PCDHGB2: variants seen among roughly 807,000 people sequenced by gnomAD.
PCDHGB2 encodes the protein protocadherin gamma subfamily B, 2.
In PCDHGB2, 55 loss-of-function variants were observed where a neutral mutation model predicts 59.3. The ratio of observed to expected loss-of-function variants is 0.93; its 90% CI spans 0.75 to 1.16. PCDHGB2 has a LOEUF of 1.16. PCDHGB2 is among the 50% of genes most tolerant of loss of function. PCDHGB2 has a pLI of 0.00. For missense variants in PCDHGB2, 1,228 were observed against 1,198.5 expected (o/e 1.02, Z -0.36); for synonymous variants, 516 against 512.0 (o/e 1.01, Z -0.11).
chr5:141,415,690 G>C (rs1218128531), intron 1 of PCDHGB2: 4 of 1,512,972 alleles, frequency 2.6e-6, no homozygotes, highest in Non-Finnish European at 3.6e-6. Context: ...CATGATGGTG[G>C]AAAGTGTAAA....
intron 1 of PCDHGB2, among the ~76,000 whole-genome samples, chr5:141,438,828 A>T (rs1364963084): frequency 6.7e-6 from 1 of 149,956 alleles, no homozygotes; most frequent in Non-Finnish European, 1.5e-5. Context: ...TGCCCAGCTA[A>T]TTTTTTAAAA....
At position 141,431,108 on chromosome 5, in the gene PCDHGB2, T is replaced by C; in HGVS notation, c.2422-63699T>C. 1 of 1,614,180 alleles carries C rather than the reference T, an allele frequency of 6.2e-7. No homozygotes were observed. The highest frequency in any genetic ancestry group is 8.5e-7 in the Non-Finnish European group (1 of 1,180,032). On this transcript the variant is annotated intron_variant, in intron 1 of 3. Coordinates refer to ENST00000522605, the MANE Select transcript of PCDHGB2 (RefSeq NM_018923.3). This position sits in a 1 kb window ranked among gnomAD's most constrained non-coding sequence, Gnocchi z 4.8. ...TCTGATGGAGGATAAAGTGAAAATATATGGAGTAGAAGTAGAAGTAAGGGA... is the reference window on the plus strand; with the variant it reads ...TCTGATGGAGGATAAAGTGAAAATACATGGAGTAGAAGTAGAAGTAAGGGA...
chr5:141,394,069 A>G (rs1054107584), intron 1 of PCDHGB2: 1 of 1,613,862 alleles, frequency 6.2e-7, no homozygotes, highest in African/African-American at 1.3e-5. Context: ...TCTATCTACA[A>G]TATCACAGTG....
intron 1 of PCDHGB2, among the ~76,000 whole-genome samples, chr5:141,381,364 G>T (rs1777146369): frequency 6.6e-6 from 1 of 152,216 alleles, no homozygotes; most frequent in Non-Finnish European, 1.5e-5. Context: ...GCAGAGGGTA[G>T]CCTCGGATCC....
rs1194909537 is a variant in PCDHGB2 at position 141,511,022 on chromosome 5, T to C, written c.2645T>C (p.Phe882Ser). 1 of 1,614,176 alleles carries C rather than the reference T, an allele frequency of 6.2e-7. No individual in the cohort carries two copies. The highest frequency in any genetic ancestry group is 8.5e-7 in the Non-Finnish European group (1 of 1,180,020). ...MGLSARYGPQ[F>S]TLQHVPDYRQ... ...TTGAGCGCCCGCTACGGACCCCAGT[T>C]CACCCTGCAGCACGTGCCCGACTAC... The change falls in exon 4 of 4, where the codon TTC becomes TCC. Residue 882 changes from phenylalanine (F) to serine (S), a missense_variant. Transcript: ENST00000522605.
chr5:141,421,420 G>C, intron 1 of PCDHGB2: 1 of 1,614,084 alleles, frequency 6.2e-7, no homozygotes, highest in Non-Finnish European at 8.5e-7. Context: ...GAAGCGCGGA[G>C]TCCGCATCGT....
intron 1 of PCDHGB2, among the ~76,000 whole-genome samples, chr5:141,457,968 G>A (rs919621979): frequency 6.6e-6 from 1 of 152,120 alleles, no homozygotes; most frequent in African/African-American, 2.4e-5. Context: ...TTCCTTAAAG[G>A]GAAACACACC....
At position 141,361,173 on chromosome 5, in the gene PCDHGB2, A is replaced by G; in HGVS notation, c.1038A>G (p.Glu346=). 2 of 1,613,958 alleles carry G rather than the reference A, an allele frequency of 1.2e-6. No individual in the cohort carries two copies. The change falls in exon 1 of 4, where the codon GAA becomes GAG. Residue 346 remains glutamate (E), a synonymous_variant. Transcript: ENST00000522605. The stretch of plus-strand genomic sequence containing the variant: ...TTGATGACAACGATTGTGCACCTGA[A>G]GTTATTGTGACTTCAGTATCTACTC... ...EILDDNDCAP[E]VIVTSVSTPL...
chr5:141,409,033 A>T, intron 1 of PCDHGB2: 1 of 1,614,028 alleles, frequency 6.2e-7, no homozygotes, highest in Non-Finnish European at 8.5e-7. Context: ...ATGCTGAGAT[A>T]AACTACTACT....
chr5:141,434,194 G>A (rs913533813), intron 1 of PCDHGB2, among the ~76,000 whole-genome samples: 7 of 152,190 alleles, frequency 4.6e-5, no homozygotes, highest in African/African-American at 4.8e-5. Flanking sequence ...TAATTCCAAT[G>A]TACTTACTTC....
chr5:141,390,061 A>G, intron 1 of PCDHGB2: 1 of 1,614,016 alleles, frequency 6.2e-7, no homozygotes, highest in East Asian at 2.2e-5. Context: ...AGCTGCTTCC[A>G]GCCTGGTCTC....
intron 1 of PCDHGB2, chr5:141,375,207 ACT>A: frequency 3.7e-6 from 6 of 1,613,896 alleles, no homozygotes; most frequent in Non-Finnish European, 5.1e-6. Flanking sequence ...TTCGATCGAG[ACT>A]CTGGCCTGAA....
At position 141,371,314 on chromosome 5, in the gene PCDHGB2, T is replaced by G. The variant is rs763858209; in HGVS notation, c.2421+8758T>G. The G allele has an allele frequency of 6.8e-6, 11 of 1,613,964 alleles. No individual in the cohort carries two copies. The East Asian group carries it at 2.2e-4, about 33-fold the overall frequency. The stretch of plus-strand genomic sequence containing the variant: ...GGGGAACTCACCACTATTGGAGAAC[T>G]GGACTTTGAAGAGAGAGATAGCTAC... On this transcript the variant is annotated intron_variant, in intron 1 of 3. Transcript: ENST00000522605.
At chr5:141,455,270 A>T (rs2098818132) in intron 1 of PCDHGB2, among the ~76,000 whole-genome samples, 1 of 151,958 alleles carries the variant, frequency 6.6e-6, no homozygotes, top group South Asian at 2.1e-4. Context: ...CTTCCCATTG[A>T]TTATTAACAT....
chr5:141,464,853 C>A (rs1441161135), intron 1 of PCDHGB2, among the ~76,000 whole-genome samples: 1 of 151,778 alleles, frequency 6.6e-6, no homozygotes, highest in East Asian at 1.9e-4. Flanking sequence ...ATCCTCCTAC[C>A]TTAGCCTCCC....
chr5:141,389,494 C>T (rs1300548775), intron 1 of PCDHGB2: 2 of 1,613,058 alleles, frequency 1.2e-6, no homozygotes, highest in East Asian at 2.2e-5. Context: ...GACCAGGGCT[C>T]GCCAGCGCTC....
chr5:141,372,028 A>G (rs1367060313), intron 1 of PCDHGB2: 2 of 1,613,362 alleles, frequency 1.2e-6, no homozygotes, highest in South Asian at 1.1e-5. Flanking sequence ...CTCAGCGCCA[A>G]CGTGAGCCTG....
At chr5:141,500,256 T>C (rs1045685908) in intron 2 of PCDHGB2, among the ~76,000 whole-genome samples, 1 of 151,676 alleles carries the variant, frequency 6.6e-6, no homozygotes, top group Non-Finnish European at 1.5e-5. Flanking sequence ...TCACCCAGGC[T>C]GGACTGCAGT....
chr5:141,476,772 G>A lies in PCDHGB2; in HGVS notation c.2422-18035G>A. 1 of 1,613,650 alleles carries A rather than the reference G, an allele frequency of 6.2e-7. No homozygotes were observed. Among genetic ancestry groups the A allele is most frequent in the South Asian group, 1.1e-5 (1 of 91,086 alleles). ...CAGTTAGTGCTGACGGCGTTGGACG[G>A]AGGGACCCCAGCTCTCTCCGCCAGC... is the stretch of plus-strand genomic sequence containing the variant. On this transcript the variant is annotated intron_variant, in intron 1 of 3. Coordinates refer to ENST00000522605, the MANE Select transcript of PCDHGB2 (RefSeq NM_018923.3). The surrounding 1 kb of genome is among the most constrained non-coding windows in gnomAD (Gnocchi z 7.6).
Sources: allele counts gnomAD v4.1 joint callset (sites outside exome capture counted in the v4.1 genomes callset), GRCh38; gene constraint gnomAD v4.1.1; non-coding constraint Gnocchi (gnomAD v3.1); transcripts MANE v1.5; gene names NCBI Gene and HGNC (gene_info 2026-07-23, HGNC 2026-07-21).